The following SLC22A4 variants were observed in gnomAD, a reference collection of about 807,000 sequenced individuals.
SLC22A4 encodes solute carrier family 22 member 4.
A neutral mutation model predicts 56.6 loss-of-function variants in SLC22A4; 39 were observed. That is an observed-to-expected ratio of 0.69 (90% CI 0.53 to 0.90). SLC22A4 has a LOEUF of 0.90. Ranked by LOEUF, SLC22A4 falls within the 40% of genes least tolerant of loss-of-function variation. SLC22A4 has a pLI of 0.00. For missense variants in SLC22A4, 594 were observed against 696.5 expected, an observed-to-expected ratio of 0.85 and a Z score of 1.66; for synonymous variants, 241 against 281.4, an observed-to-expected ratio of 0.86 and a Z score of 1.44.
intron 5 of SLC22A4, among the ~76,000 whole-genome samples, chr5:132,327,774 G>T (rs115930561): frequency 0.027 from 4,140 of 152,220 alleles, 132 homozygotes; most frequent in African/African-American, 0.077. Flanking sequence ...GTCCACCCTG[G>T]GTTCTCCACT....
intron 1 of SLC22A4, 47 bp downstream of exon 1, chr5:132,295,056 C>T (rs1561531811): frequency 6.4e-7 from 1 of 1,569,402 alleles, no homozygotes; most frequent in East Asian, 2.3e-5. Context: ...CTGACCCTCC[C>T]TCTGCGTCAG....
intron 4 of SLC22A4, 151 bp downstream of exon 4, chr5:132,322,506 T>C: frequency 1.4e-6 from 1 of 729,728 alleles, no homozygotes; most frequent in South Asian, 1.5e-5. Context: ...TTTTGCCTCA[T>C]TGTGGGTGGG....
chr5:132,334,692 T>G (rs1750967676), intron 6 of SLC22A4, 26 bp from the exon 7 acceptor site: 1 of 1,519,494 alleles, frequency 6.6e-7, no homozygotes, highest in African/African-American at 1.4e-5. Context: ...CACCATCCCT[T>G]TGTCATTTTT....
intron 4 of SLC22A4, chr5:132,324,311 G>A (rs1456742776): frequency 1.2e-5 from 4 of 341,674 alleles, no homozygotes; most frequent in African/African-American, 2.2e-5. Context: ...TGGGATCTTT[G>A]CCTCGGGACC....
chr5:132,326,492 G>A (rs1168157196), intron 4 of SLC22A4, among the ~76,000 whole-genome samples: 1 of 152,124 alleles, frequency 6.6e-6, no homozygotes, highest in East Asian at 1.9e-4. Context: ...TCATAAGTTA[G>A]GGACCATCTG....
chr5:132,306,618 G>A (rs1445140511), intron 1 of SLC22A4, among the ~76,000 whole-genome samples: 1 of 150,766 alleles, frequency 6.6e-6, no homozygotes, highest in Non-Finnish European at 1.5e-5. Context: ...GCTAATTTTT[G>A]CATTTTTAGT....
chr5:132,326,731 G>C (rs1216191830), intron 4 of SLC22A4, among the ~76,000 whole-genome samples: 3 of 152,224 alleles, frequency 2.0e-5, no homozygotes, highest in African/African-American at 7.2e-5. Context: ...TCGCTGATCT[G>C]GGAATCTGTT....
chr5:132,328,838 T>C (rs200800380), intron 5 of SLC22A4, among the ~76,000 whole-genome samples: 86,260 of 138,548 alleles, frequency 0.62, 26,152 homozygotes, highest in African/African-American at 0.7. Flanking sequence ...TATATATATA[T>C]ACACACACAC....
intron 8 of SLC22A4, 35 bp from the exon 9 acceptor site, chr5:132,340,530 A>G (rs576945479): frequency 8.1e-6 from 13 of 1,607,296 alleles, no homozygotes; most frequent in Non-Finnish European, 1.1e-5. Context: ...GAGTCCTCCT[A>G]TCTGATTGAT....
At chr5:132,323,905 A>G (rs1417381016) in intron 4 of SLC22A4, among the ~76,000 whole-genome samples, 1 of 152,224 alleles carries the variant, frequency 6.6e-6, no homozygotes, top group African/African-American at 2.4e-5. Context: ...TCAAAATGTT[A>G]TAATTAGCCA....
At chr5:132,306,962 G>A (rs952709443) in intron 1 of SLC22A4, among the ~76,000 whole-genome samples, 14 of 152,222 alleles carry the variant, frequency 9.2e-5, no homozygotes, top group African/African-American at 3.1e-4. Context: ...AGTAGCGAAT[G>A]AGGAGTGACT....
chr5:132,337,052 A>G (rs919007569), intron 8 of SLC22A4, among the ~76,000 whole-genome samples: 5 of 152,074 alleles, frequency 3.3e-5, no homozygotes, highest in African/African-American at 1.2e-4. Flanking sequence ...TAACATTACA[A>G]CGAACATTCT....
intron 3 of SLC22A4, among the ~76,000 whole-genome samples, chr5:132,314,653 G>A (rs1046580112): frequency 2.0e-5 from 3 of 152,190 alleles, no homozygotes; most frequent in Admixed American, 1.3e-4. Context: ...GAAGTCTAAC[G>A]ATTCTTCTTG....
At chr5:132,307,494 T>G (rs1290532477) in intron 1 of SLC22A4, among the ~76,000 whole-genome samples, 1 of 152,196 alleles carries the variant, frequency 6.6e-6, no homozygotes, top group Admixed American at 6.5e-5. Flanking sequence ...CAGATTTAAG[T>G]GTAACCTGCT....
intron 3 of SLC22A4, among the ~76,000 whole-genome samples, chr5:132,314,417 G>A (rs1371551314): frequency 6.6e-6 from 1 of 152,186 alleles, no homozygotes; most frequent in Non-Finnish European, 1.5e-5. Flanking sequence ...GAGGGAGTTA[G>A]GTGAGCTCCA....
chr5:132,295,245 T>C (rs1168901655), intron 1 of SLC22A4: 1 of 713,362 alleles, frequency 1.4e-6, no homozygotes, highest in Non-Finnish European at 2.6e-6. Context: ...TGTCACCAAC[T>C]GTCTTTTCAT....
At chr5:132,316,067 A>G (rs1449396086) in intron 3 of SLC22A4, among the ~76,000 whole-genome samples, 1 of 152,134 alleles carries the variant, frequency 6.6e-6, no homozygotes, top group Non-Finnish European at 1.5e-5. Context: ...ACTAAAATAA[A>G]CCAAAGGGTG....
rs1750867218 is a variant in SLC22A4 at position 132,331,830 on chromosome 5, C to G, written c.1026C>G (p.Thr342=). The G allele has an allele frequency of 9.9e-6, 16 of 1,610,482 alleles. No homozygotes were observed. The highest frequency in any genetic ancestry group is 1.3e-5 in the Non-Finnish European group (15 of 1,176,872). The change falls in exon 6 of 10, where the codon ACC becomes ACG. Residue 342 remains threonine (T), a synonymous_variant. Transcript: ENST00000200652. ...LFRTRNIAIM[T]IMSLLLWMLT... is the part of the protein sequence containing the mutation. ...GGACTCGGAATATTGCCATAATGAC[C>G]ATTATGTCTTTGCTGCTATGGTAAG... is the stretch of plus-strand genomic sequence containing the variant.
intron 9 of SLC22A4, among the ~76,000 whole-genome samples, chr5:132,343,069 TTATCACTCCC>T (rs1008697121): frequency 6.6e-6 from 1 of 152,170 alleles, no homozygotes; most frequent in Middle Eastern, 3.2e-3. Context: ...AAAGAAGCTT[TTATCACTCCC>T]TATCACTCCA....
Sources: allele counts gnomAD v4.1 joint callset (sites outside exome capture counted in the v4.1 genomes callset), GRCh38; gene constraint gnomAD v4.1.1; transcripts MANE v1.5; gene names NCBI Gene and HGNC (gene_info 2026-07-23, HGNC 2026-07-21).